The following EHBP1 variants were observed in gnomAD, a reference collection of about 807,000 sequenced individuals.
EHBP1 encodes EH domain-binding protein 1.
In EHBP1, 55 loss-of-function variants were observed where a neutral mutation model predicts 144.0. The observed-to-expected ratio is 0.38, with a 90% confidence interval of 0.31 to 0.48. The LOEUF (loss-of-function observed/expected upper bound fraction) is 0.48. Ranked by LOEUF, EHBP1 falls within the 20% of genes least tolerant of loss-of-function variation. EHBP1 has a pLI of 0.98. For synonymous variants in EHBP1, 469 were observed against 472.7 expected (o/e 0.99, Z 0.10); for missense variants, 1,200 against 1,364.2 (o/e 0.88, Z 1.90).
intron 10 of EHBP1, among the ~76,000 whole-genome samples, chr2:62,890,367 A>G (rs2052358698): frequency 3.9e-5 from 6 of 152,180 alleles, no homozygotes; most frequent in South Asian, 2.1e-4. Flanking sequence ...CTTCCAACCC[A>G]TGAGCATGGA....
intron 7 of EHBP1, among the ~76,000 whole-genome samples, chr2:62,854,879 G>T (rs1022047618): frequency 3.3e-5 from 5 of 152,216 alleles, no homozygotes; most frequent in Admixed American, 2.0e-4. Flanking sequence ...CGCCCCTTCT[G>T]AGTTGGGGCT....
intron 5 of EHBP1, among the ~76,000 whole-genome samples, chr2:62,777,386 T>G (rs1378452453): frequency 1.3e-5 from 2 of 152,244 alleles, no homozygotes; most frequent in African/African-American, 4.8e-5. Flanking sequence ...TTCATTAATT[T>G]ATTCAACCAT....
chr2:62,830,903 A>C, intron 6 of EHBP1, 116 bp from the exon 7 acceptor site: 1 of 1,060,180 alleles, frequency 9.4e-7, no homozygotes, highest in Non-Finnish European at 1.3e-6. Context: ...GCAACTGATA[A>C]GAAAGACTTA....
At chr2:62,769,915 T>C (rs774926113) in intron 4 of EHBP1, among the ~76,000 whole-genome samples, 2 of 151,680 alleles carry the variant, frequency 1.3e-5, no homozygotes, top group East Asian at 1.9e-4. Flanking sequence ...AAAAAAGCGA[T>C]GAGGAAGACT....
chr2:62,819,011 C>T (rs576560824), intron 5 of EHBP1, among the ~76,000 whole-genome samples: 87 of 152,032 alleles, frequency 5.7e-4, no homozygotes, highest in Non-Finnish European at 9.9e-4. Flanking sequence ...GAAAGGATGC[C>T]GCAGCTCATT....
chr2:62,724,024 C>T (rs1300084449), intron 2 of EHBP1, among the ~76,000 whole-genome samples: 3 of 152,160 alleles, frequency 2.0e-5, no homozygotes, highest in African/African-American at 7.2e-5. Context: ...GCCTCTCTAG[C>T]TAGGTTGGGG....
Position 62,942,909 on chromosome 2 carries a change from A to G in EHBP1, c.1364+13A>G, listed in dbSNP as rs931089123. 1.9e-6 allele frequency: 3 copies of G among 1,551,342 alleles called. No homozygotes were observed. Among genetic ancestry groups the G allele is most frequent in the Non-Finnish European group, 2.6e-6 (3 of 1,138,672 alleles). On this transcript the variant is annotated intron_variant, in intron 11 of 22. Coordinates refer to ENST00000431489, the MANE Select transcript of EHBP1 (RefSeq NM_001142616.3). ...GACCAGATTTAATGTAAGTAGAAACATTTTCCATTCCCTATATTTTGTAAG... is the reference window on the plus strand; with the variant it reads ...GACCAGATTTAATGTAAGTAGAAACGTTTTCCATTCCCTATATTTTGTAAG...
chr2:62,857,747 A>G (rs1186393675), intron 7 of EHBP1, among the ~76,000 whole-genome samples: 8 of 152,146 alleles, frequency 5.3e-5, no homozygotes, highest in Admixed American at 5.2e-4. Context: ...GACTCATGTA[A>G]AAAATTGTAT....
chr2:62,764,764 ATG>A (rs2041041833), intron 4 of EHBP1, among the ~76,000 whole-genome samples: 1 of 152,058 alleles, frequency 6.6e-6, no homozygotes, highest in Non-Finnish European at 1.5e-5. Context: ...ATGTAACAAG[ATG>A]TGTTTTAAAT....
At chr2:62,838,538 C>T (rs1171093966) in intron 7 of EHBP1, among the ~76,000 whole-genome samples, 8 of 152,108 alleles carry the variant, frequency 5.3e-5, no homozygotes, top group South Asian at 2.1e-4. Flanking sequence ...TTCAAAAAAT[C>T]AGTGAATCCA....
At chr2:62,936,332 T>C (rs1464652813) in intron 10 of EHBP1, among the ~76,000 whole-genome samples, 1 of 152,234 alleles carries the variant, frequency 6.6e-6, no homozygotes, top group African/African-American at 2.4e-5. Flanking sequence ...TGCAGTAAGC[T>C]ATACTTTTCT....
chr2:62,900,040 C>G (rs901699412), intron 10 of EHBP1, among the ~76,000 whole-genome samples: 1 of 152,052 alleles, frequency 6.6e-6, no homozygotes, highest in African/African-American at 2.4e-5. Flanking sequence ...TAATAACTTG[C>G]AAAAATGAAT....
intron 10 of EHBP1, among the ~76,000 whole-genome samples, chr2:62,932,573 T>C (rs1316357605): frequency 6.6e-6 from 1 of 152,184 alleles, no homozygotes; most frequent in Non-Finnish European, 1.5e-5. Context: ...TTAATGGATA[T>C]AGAGTTTCAG....
intron 7 of EHBP1, among the ~76,000 whole-genome samples, chr2:62,838,952 A>G (rs2047547993): frequency 7.3e-6 from 1 of 137,222 alleles, no homozygotes; most frequent in South Asian, 2.6e-4. Context: ...AACTATTCCA[A>G]TCAATAGAAA....
At chr2:62,682,546 A>G (rs1035174433) in intron 1 of EHBP1, among the ~76,000 whole-genome samples, 1 of 152,194 alleles carries the variant, frequency 6.6e-6, no homozygotes, top group Non-Finnish European at 1.5e-5. Flanking sequence ...CTCAGCCTGG[A>G]ATGAGGATAT....
At chr2:62,734,219 T>C (rs2037887358) in intron 2 of EHBP1, among the ~76,000 whole-genome samples, 1 of 152,134 alleles carries the variant, frequency 6.6e-6, no homozygotes, top group African/African-American at 2.4e-5. Flanking sequence ...GAATATAGTT[T>C]ATCAATATTA....
intron 2 of EHBP1, among the ~76,000 whole-genome samples, chr2:62,716,373 C>A (rs571698234): frequency 2.0e-5 from 3 of 152,272 alleles, no homozygotes; most frequent in Admixed American, 6.5e-5. Flanking sequence ...TTTGTAGATT[C>A]TAAGAGCTGG....
chr2:62,941,493 C>T (rs2056753524), intron 10 of EHBP1, among the ~76,000 whole-genome samples: 1 of 151,988 alleles, frequency 6.6e-6, no homozygotes, highest in African/African-American at 2.4e-5. Context: ...TTTTGTTAAT[C>T]CGACTGTTAA....
intron 5 of EHBP1, among the ~76,000 whole-genome samples, chr2:62,816,086 G>T (rs989512389): frequency 2.6e-5 from 4 of 152,068 alleles, no homozygotes; most frequent in African/African-American, 9.7e-5. Flanking sequence ...TATCTGAAAA[G>T]AATAATTAAA....
Sources: gnomAD v4.1 joint callset for allele counts (sites outside exome capture counted in the v4.1 genomes callset) on GRCh38, gnomAD v4.1.1 for gene constraint, MANE v1.5 for transcripts, NCBI Gene and HGNC (gene_info 2026-07-23, HGNC 2026-07-21) for gene names.